AGPS: variants seen among roughly 807,000 people sequenced by gnomAD.
AGPS encodes the protein alkyldihydroxyacetonephosphate synthase, peroxisomal.
Under a neutral mutation model 90.7 loss-of-function variants are expected in AGPS, and 26 were observed. The observed-to-expected ratio is 0.29, with a 90% CI of 0.21 to 0.40. The LOEUF is 0.40. Ranked by LOEUF, AGPS falls within the 10% of genes least tolerant of loss-of-function variation. AGPS has a pLI of 1.00. For missense variants in AGPS, 540 were observed against 816.1 expected, an observed-to-expected ratio of 0.66 and a Z score of 4.12; for synonymous variants, 294 against 285.3, an observed-to-expected ratio of 1.03 and a Z score of -0.31.
chr2:177,508,111 A>T, intron 16 of AGPS, 80 bp downstream of exon 16: 1 of 1,094,324 alleles, frequency 9.1e-7, no homozygotes, highest in Non-Finnish European at 1.4e-6. Context: ...TTGTGTGAAT[A>T]TGTAAGTTTA....
chr2:177,513,001 G>A (rs576358508), intron 16 of AGPS, among the ~76,000 whole-genome samples: 6 of 151,984 alleles, frequency 3.9e-5, no homozygotes, highest in Admixed American at 2.6e-4. Flanking sequence ...GCACCACCTT[G>A]CCCAACTAAT....
At chr2:177,477,937 A>G (rs1157430360) in intron 10 of AGPS, among the ~76,000 whole-genome samples, 6 of 152,194 alleles carry the variant, frequency 3.9e-5, no homozygotes, top group South Asian at 4.1e-4. Flanking sequence ...TATCTTTGGT[A>G]TTACATAAAA....
chr2:177,415,576 G>A (rs1485191751), intron 1 of AGPS, among the ~76,000 whole-genome samples: 1 of 152,198 alleles, frequency 6.6e-6, no homozygotes, highest in Non-Finnish European at 1.5e-5. Flanking sequence ...TGGGGATATT[G>A]AGGGAAGATT....
intron 1 of AGPS, among the ~76,000 whole-genome samples, chr2:177,419,132 G>A (rs1170325147): frequency 2.0e-5 from 3 of 151,816 alleles, no homozygotes; most frequent in Admixed American, 2.0e-4. Flanking sequence ...TTAATTACCT[G>A]TATCTGGCTT....
At chr2:177,488,622 A>G (rs1307628561) in intron 11 of AGPS, among the ~76,000 whole-genome samples, 5 of 152,176 alleles carry the variant, frequency 3.3e-5, no homozygotes, top group East Asian at 3.8e-4. Flanking sequence ...GATGTTGCAT[A>G]TTATGATAAT....
chr2:177,537,443 G>A (rs902305716), intron 19 of AGPS, among the ~76,000 whole-genome samples: 2 of 152,010 alleles, frequency 1.3e-5, no homozygotes, highest in East Asian at 3.9e-4. Context: ...TAATGCCTTA[G>A]GAAAAAAATT....
intron 16 of AGPS, among the ~76,000 whole-genome samples, chr2:177,511,948 T>A (rs1293116432): frequency 1.3e-5 from 2 of 152,164 alleles, no homozygotes; most frequent in Non-Finnish European, 2.9e-5. Flanking sequence ...TTGGATACAT[T>A]TAAGTGCATT....
In AGPS at chr2:177,426,544, C is replaced by T. The variant is rs114371016; in HGVS notation, c.350+6186C>T. ...GACTATGAGTTTGTTATATATGGCT[C>T]TTATTATTTTGAAGTATGGTCCTTC... On this transcript the variant is annotated intron_variant, in intron 2 of 19. Coordinates refer to ENST00000264167, the MANE Select transcript of AGPS (RefSeq NM_003659.4). Among the ~76,000 whole-genome samples, 728 of 152,178 alleles carry T rather than the reference C, an allele frequency of 4.8e-3. 4 individuals are homozygous for T. The highest frequency in any genetic ancestry group is 0.017 in the African/African-American group (687 of 41,518).
chr2:177,539,348 C>T lies in AGPS; in HGVS notation c.*1153C>T, dbSNP rs571905814. The T allele has an allele frequency of 6.6e-6, 1 of 151,934 alleles. No individual in the cohort carries two copies. Among genetic ancestry groups the T allele is most frequent in the East Asian group, 1.9e-4 (1 of 5,172 alleles). 9.4% of individuals were successfully genotyped at this position (151,934 alleles called of 1,614,324 possible). A position where few individuals can be genotyped will look rare whatever the true frequency, so the allele number is the denominator to read the frequency against. Reference sequence around the variant, plus strand: ...TACCATAATCAAAAGTTTGAAATATCCTGTTTCTTAAATAATGAGAACATT... The same window carrying T: ...TACCATAATCAAAAGTTTGAAATATTCTGTTTCTTAAATAATGAGAACATT... On this transcript the variant is annotated 3_prime_UTR_variant, in exon 20 of 20. Coordinates refer to ENST00000264167, the MANE Select transcript of AGPS (RefSeq NM_003659.4).
intron 11 of AGPS, among the ~76,000 whole-genome samples, chr2:177,482,829 T>C (rs1034026129): frequency 6.6e-6 from 1 of 152,134 alleles, no homozygotes; most frequent in Admixed American, 6.5e-5. Context: ...TAATTTTATT[T>C]ATGTATTTAG....
intron 18 of AGPS, among the ~76,000 whole-genome samples, chr2:177,521,699 G>A (rs965393250): frequency 3.9e-5 from 6 of 152,080 alleles, no homozygotes; most frequent in African/African-American, 1.4e-4. Flanking sequence ...TTTCCACATG[G>A]TGGTTGCTGT....
chr2:177,461,438 C>A (rs1336548325), intron 8 of AGPS, among the ~76,000 whole-genome samples: 1 of 152,210 alleles, frequency 6.6e-6, no homozygotes, highest in Admixed American at 6.5e-5. Flanking sequence ...GGATTTTCTG[C>A]AGGCCTGCTG....
chr2:177,438,769 T>C (rs942198832), intron 5 of AGPS, among the ~76,000 whole-genome samples: 1 of 152,232 alleles, frequency 6.6e-6, no homozygotes, highest in Non-Finnish European at 1.5e-5. Context: ...TTTATAATTT[T>C]ATTCTGTTCA....
chr2:177,518,763 T>C (rs1353121015), intron 17 of AGPS, among the ~76,000 whole-genome samples: 2 of 150,092 alleles, frequency 1.3e-5, no homozygotes, highest in African/African-American at 4.9e-5. Flanking sequence ...GCCATTATTG[T>C]CATTATTCAC....
chr2:177,494,667 A>C (rs529900820), intron 12 of AGPS, among the ~76,000 whole-genome samples: 3 of 152,162 alleles, frequency 2.0e-5, no homozygotes, highest in Non-Finnish European at 4.4e-5. Context: ...ACTATACCTG[A>C]AAACATACTT....
chr2:177,538,707 A>G lies in AGPS; in HGVS notation c.*512A>G, dbSNP rs1212955843. 6.3e-6 allele frequency: 1 copy of G among 159,956 alleles called. No individual in the cohort carries two copies. Among genetic ancestry groups the G allele is most frequent in the African/African-American group, 2.4e-5 (1 of 41,436 alleles). The allele number at this position is 159,956 out of a possible 1,614,324, so 9.9% of individuals were successfully genotyped here. A position where few individuals can be genotyped will look rare whatever the true frequency, so the allele number is the denominator to read the frequency against. ...CATGAAAGAATTTAGGCAACCTGTT[A>G]TTTAGAAAGCCTTCACGTCTGTAAG... On this transcript the variant is annotated 3_prime_UTR_variant, in exon 20 of 20. Coordinates refer to ENST00000264167, the MANE Select transcript of AGPS (RefSeq NM_003659.4).
chr2:177,439,935 G>GT (rs1041340137), intron 5 of AGPS, among the ~76,000 whole-genome samples: 1 of 152,046 alleles, frequency 6.6e-6, no homozygotes, highest in African/African-American at 2.4e-5. Context: ...TTCCAGTCAG[G>GT]TTTTTGTTAC....
intron 1 of AGPS, among the ~76,000 whole-genome samples, chr2:177,396,032 A>T (rs1383968755): frequency 6.9e-6 from 1 of 145,584 alleles, no homozygotes; most frequent in Non-Finnish European, 1.5e-5. Context: ...GCCACTGTAG[A>T]TACAGGTACA....
At chr2:177,407,018 T>C (rs1685484609) in intron 1 of AGPS, among the ~76,000 whole-genome samples, 1 of 152,222 alleles carries the variant, frequency 6.6e-6, no homozygotes, top group South Asian at 2.1e-4. Context: ...TTGAGTATAC[T>C]GAAATCTTTG....
Sources: allele counts gnomAD v4.1 joint callset (sites outside exome capture counted in the v4.1 genomes callset), GRCh38; gene constraint gnomAD v4.1.1; transcripts MANE v1.5; gene names NCBI Gene and HGNC (gene_info 2026-07-23, HGNC 2026-07-21).